The following TMEFF2 variants were observed in gnomAD, a reference collection of about 807,000 sequenced individuals.
TMEFF2 encodes transmembrane protein with EGF like and two follistatin like domains 2.
A neutral mutation model predicts 53.8 loss-of-function variants in TMEFF2; 28 were observed. The observed-to-expected ratio is 0.52, with a 90% CI of 0.39 to 0.71. The LOEUF is 0.71. Ranked by LOEUF, TMEFF2 falls within the 30% of genes least tolerant of loss-of-function variation. The pLI, the probability that TMEFF2 is intolerant of heterozygous loss-of-function variation, is 0.00. For missense variants in TMEFF2, 353 were observed against 455.2 expected, an observed-to-expected ratio of 0.78 and a Z score of 2.04; for synonymous variants, 162 against 166.3, an observed-to-expected ratio of 0.97 and a Z score of 0.20.
intron 4 of TMEFF2, among the ~76,000 whole-genome samples, chr2:192,146,574 T>C (rs766512978): frequency 1.1e-4 from 16 of 152,046 alleles, no homozygotes; most frequent in Non-Finnish European, 2.2e-4. Flanking sequence ...TTCTGATTCA[T>C]TGAGAGAATG....
chr2:192,090,836 C>T (rs1688773819), intron 4 of TMEFF2, among the ~76,000 whole-genome samples: 1 of 152,048 alleles, frequency 6.6e-6, no homozygotes. Context: ...GCCCAAGAGT[C>T]TCATTAGTTA....
At chr2:191,952,327 A>G (rs1267533298) in intron 9 of TMEFF2, among the ~76,000 whole-genome samples, 2 of 152,196 alleles carry the variant, frequency 1.3e-5, no homozygotes, top group Non-Finnish European at 2.9e-5. Flanking sequence ...GAGCTAAAGT[A>G]TTTACAGTTT....
intron 4 of TMEFF2, among the ~76,000 whole-genome samples, chr2:192,130,308 T>C (rs866982174): frequency 4.6e-5 from 7 of 152,182 alleles, no homozygotes; most frequent in African/African-American, 1.7e-4. Flanking sequence ...CTCTGTCTCC[T>C]CTTTCTTCTA....
chr2:192,109,074 A>C (rs535423433), intron 4 of TMEFF2, among the ~76,000 whole-genome samples: 1 of 152,154 alleles, frequency 6.6e-6, no homozygotes, highest in African/African-American at 2.4e-5. Flanking sequence ...TGTAGTAAAA[A>C]AGTTCTGGAA....
intron 8 of TMEFF2, 21 bp from the exon 9 acceptor site, chr2:191,953,858 C>T (rs781348513): frequency 6.4e-7 from 1 of 1,559,178 alleles, no homozygotes; most frequent in South Asian, 1.1e-5. Context: ...TTATAGTGCC[C>T]AGTTACCTGT....
intron 3 of TMEFF2, among the ~76,000 whole-genome samples, chr2:192,182,856 T>G (rs1691219137): frequency 6.6e-6 from 1 of 152,004 alleles, no homozygotes; most frequent in Non-Finnish European, 1.5e-5. Flanking sequence ...TCTCATTTCT[T>G]TGGTATGGCT....
In TMEFF2 at chr2:191,950,358, G is replaced by A; in HGVS notation, c.1078C>T (p.His360Tyr). ...RIHRQKQNTG[H>Y]YSSDNTTRAS... ...CTTGTTGTATTGTCTGAACTGTAGTGCCCTGTATTTTGCTTCTGTCTGTGA... is the reference window on the plus strand; with the variant it reads ...CTTGTTGTATTGTCTGAACTGTAGTACCCTGTATTTTGCTTCTGTCTGTGA... The change falls in exon 10 of 10, where the codon CAC becomes TAC. Residue 360 changes from histidine (H) to tyrosine (Y), a missense_variant. Around this residue, in one of 3 missense-constraint regions of TMEFF2, gnomAD observed 294 missense variants for 397.3 expected, o/e 0.74. Coordinates refer to ENST00000272771, the MANE Select transcript of TMEFF2 (RefSeq NM_016192.4). 2 of 1,613,856 alleles carry A rather than the reference G, an allele frequency of 1.2e-6. No individual in the cohort carries two copies. Among genetic ancestry groups the A allele is most frequent in the Non-Finnish European group, 1.7e-6 (2 of 1,179,888 alleles).
At chr2:192,145,419 C>T (rs1382761416) in intron 4 of TMEFF2, among the ~76,000 whole-genome samples, 1 of 151,812 alleles carries the variant, frequency 6.6e-6, no homozygotes, top group Admixed American at 6.6e-5. Context: ...ACAGAGTACC[C>T]ATTTTTAAGT....
intron 4 of TMEFF2, among the ~76,000 whole-genome samples, chr2:192,134,139 A>G (rs905307707): frequency 7.2e-5 from 11 of 152,112 alleles, no homozygotes; most frequent in African/African-American, 2.2e-4. Flanking sequence ...TACATTTCTC[A>G]TAACTTCCAA....
chr2:192,137,257 A>T (rs1690032926), intron 4 of TMEFF2, among the ~76,000 whole-genome samples: 1 of 152,148 alleles, frequency 6.6e-6, no homozygotes, highest in Admixed American at 6.5e-5. Flanking sequence ...TACCCAAGAG[A>T]TGTGAAGTGA....
chr2:192,039,008 C>CTCTACTTT (rs1687405565), intron 5 of TMEFF2, among the ~76,000 whole-genome samples: 1 of 152,062 alleles, frequency 6.6e-6, no homozygotes, highest in African/African-American at 2.4e-5. Flanking sequence ...ACTTTATTGC[C>CTCTACTTT]ATGTGGTTTT....
intron 3 of TMEFF2, 26 bp downstream of exon 3, chr2:192,184,328 G>A: frequency 1.2e-6 from 2 of 1,610,596 alleles, no homozygotes; most frequent in Non-Finnish European, 8.5e-7. Flanking sequence ...CCATGCAGAA[G>A]GTTTCAAAGA....
chr2:192,183,853 T>C (rs187958985), intron 3 of TMEFF2, among the ~76,000 whole-genome samples: 1 of 152,248 alleles, frequency 6.6e-6, no homozygotes, highest in Admixed American at 6.5e-5. Context: ...TTATGTCCAT[T>C]ACAAACACAT....
intron 4 of TMEFF2, among the ~76,000 whole-genome samples, chr2:192,102,455 C>G (rs1689051696): frequency 6.6e-6 from 1 of 152,106 alleles, no homozygotes; most frequent in Admixed American, 6.6e-5. Flanking sequence ...TTTCTCCTCA[C>G]TCTGCTCCCC....
intron 7 of TMEFF2, among the ~76,000 whole-genome samples, chr2:191,990,416 A>AGT (rs55848067): frequency 6.0e-4 from 89 of 147,352 alleles, no homozygotes; most frequent in African/African-American, 2.1e-3. Context: ...TGCTCAGAAT[A>AGT]GTGTGTGTGT....
At chr2:192,150,903 A>T (rs749314858) in intron 4 of TMEFF2, among the ~76,000 whole-genome samples, 34 of 151,756 alleles carry the variant, frequency 2.2e-4, no homozygotes. Context: ...TCCCTTAGAA[A>T]GGATTCATTA....
At chr2:191,960,249 T>G (rs1230991347) in intron 7 of TMEFF2, among the ~76,000 whole-genome samples, 2 of 152,198 alleles carry the variant, frequency 1.3e-5, no homozygotes, top group African/African-American at 4.8e-5. Context: ...TGCACCAGGT[T>G]ATTAGTTTCT....
rs1018948975 is a variant in TMEFF2, at chr2:192,194,787, A to C, written c.-263T>G. 5 of 507,018 alleles carry C rather than the reference A, an allele frequency of 9.9e-6. No homozygotes were observed. The highest frequency in any genetic ancestry group is 2.2e-5 in the South Asian group (1 of 46,152). 31.4% of individuals were successfully genotyped at this position (507,018 alleles called of 1,614,324 possible). A position where few individuals can be genotyped will look rare whatever the true frequency, so the allele number is the denominator to read the frequency against. On this transcript the variant is annotated 5_prime_UTR_variant, in exon 1 of 10. Transcript: ENST00000272771. This position sits in a 1 kb window ranked among gnomAD's most constrained non-coding sequence, Gnocchi z 4.2. ...GGAGACGCGGGAAGCTGCTGCCATA[A>C]GGAGGGAGCTCTGGGAAGCCGGAGG...
At chr2:192,114,408 C>T (rs1264021624) in intron 4 of TMEFF2, among the ~76,000 whole-genome samples, 1 of 151,650 alleles carries the variant, frequency 6.6e-6, no homozygotes, top group East Asian at 1.9e-4. Context: ...TGCCCACTCT[C>T]TCTACTGCTA....
Sources: gnomAD v4.1 joint callset for allele counts (sites outside exome capture counted in the v4.1 genomes callset) on GRCh38, gnomAD v4.1.1 for gene constraint, gnomAD v4.1.1 regional missense constraint, Gnocchi (gnomAD v3.1) non-coding constraint, MANE v1.5 for transcripts, NCBI Gene and HGNC (gene_info 2026-07-23, HGNC 2026-07-21) for gene names.